Variants in KLHL5 observed in about 807,000 individuals in gnomAD.
The protein encoded by KLHL5 is kelch like family member 5, also known as kelch-like protein 5.
Under a neutral mutation model 77.7 loss-of-function variants are expected in KLHL5, and 48 were observed. The observed-to-expected ratio is 0.62, with a 90% CI of 0.49 to 0.79. KLHL5 has a LOEUF of 0.79. Ranked by LOEUF, KLHL5 falls within the 30% of genes least tolerant of loss-of-function variation. The probability of loss-of-function intolerance (pLI) is 0.00; values close to 1 mark genes in which losing one functional copy is unlikely to be tolerated. For synonymous variants in KLHL5, 260 were observed against 297.0 expected (o/e 0.88, Z 1.28); for missense variants, 723 against 859.7 (o/e 0.84, Z 1.99).
At chr4:39,127,174 TA>T (rs1488656626), downstream of KLHL5, among the ~76,000 whole-genome samples, 2 of 151,902 alleles carry the variant, frequency 1.3e-5, no homozygotes, top group African/African-American at 2.4e-5. Context: ...CTGTCTGTAC[TA>T]AAAATACTAA....
In KLHL5 at chr4:39,125,135, C is replaced by T. The variant is rs776203023; in HGVS notation, c.*4069C>T. Among the ~76,000 whole-genome samples, 5 of 149,972 alleles carry T rather than the reference C, an allele frequency of 3.3e-5. No individual in the cohort carries two copies. Among genetic ancestry groups the T allele is most frequent in the East Asian group, 2.0e-4 (1 of 5,124 alleles). Reference sequence around the variant, plus strand: ...TACCACTTCACACCTATTAGAATGACGAAATAGACCTAGGATCTAAACCTA... The same window carrying T: ...TACCACTTCACACCTATTAGAATGATGAAATAGACCTAGGATCTAAACCTA... On this transcript the variant is annotated 3_prime_UTR_variant, in exon 11 of 11. Coordinates refer to ENST00000504108, the MANE Select transcript of KLHL5 (RefSeq NM_015990.5).
chr4:39,101,859 A>AAAATATATAT (rs1553892985), intron 6 of KLHL5, among the ~76,000 whole-genome samples: 1 of 104,758 alleles, frequency 9.5e-6, no homozygotes, highest in African/African-American at 3.4e-5. Context: ...AAAAAAAAAA[A>AAAATATATAT]ATATATATAT....
At chr4:39,138,132 A>AAGG in the KLHL5 span, among the ~76,000 whole-genome samples, 82,108 of 151,612 alleles carry the variant, frequency 0.54, 22,513 homozygotes, top group Admixed American at 0.6. Flanking sequence ...ACAAGTGAAA[A>AAGG]AGCACTTATG....
chr4:39,111,104 G>A (rs1036036), intron 8 of KLHL5, among the ~76,000 whole-genome samples: 82,521 of 151,914 alleles, frequency 0.54, 22,713 homozygotes, highest in Admixed American at 0.6. Flanking sequence ...TTACCAATTG[G>A]TTTTAACCCT....
At chr4:39,092,161 T>C (rs533029155) in intron 5 of KLHL5, among the ~76,000 whole-genome samples, 1 of 152,292 alleles carries the variant, frequency 6.6e-6, no homozygotes, top group South Asian at 2.1e-4. Context: ...AATAATTTGC[T>C]CTTCTTTTGT....
the KLHL5 span, among the ~76,000 whole-genome samples, chr4:39,140,121 G>C: frequency 1.5e-4 from 22 of 149,382 alleles, no homozygotes; most frequent in Non-Finnish European, 2.4e-4. Context: ...CAGCTACTTG[G>C]GGGGGGCTGG....
chr4:39,050,735 T>C (rs1716575935), intron 1 of KLHL5, among the ~76,000 whole-genome samples: 1 of 152,196 alleles, frequency 6.6e-6, no homozygotes, highest in South Asian at 2.1e-4. Context: ...GCAGTTATAA[T>C]AGCTTTCAAT....
chr4:39,066,609 A>C (rs1717914136), intron 1 of KLHL5, among the ~76,000 whole-genome samples: 1 of 152,150 alleles, frequency 6.6e-6, no homozygotes, highest in Admixed American at 6.5e-5. Flanking sequence ...ATGTTGAAAA[A>C]ATATCCTAAG....
Position 39,048,523 on chromosome 4 carries a change from G to A in KLHL5, c.-95+3427G>A, listed in dbSNP as rs73238512. Among the ~76,000 whole-genome samples, 736 of 152,088 alleles carry A rather than the reference G, an allele frequency of 4.8e-3. 4 individuals are homozygous for A. Among genetic ancestry groups the A allele is most frequent in the Non-Finnish European group, 7.6e-3 (518 of 67,988 alleles). ...TCTGTTATACTACATGCTGAAGCAG[G>A]TCAGCAAGAGAACTCCATTACAAAT... is the stretch of plus-strand genomic sequence containing the variant. On this transcript the variant is annotated intron_variant, in intron 1 of 11. Transcript: ENST00000261425.
chr4:39,105,767 C>G (rs397833804), intron 7 of KLHL5, among the ~76,000 whole-genome samples: 1 of 133,638 alleles, frequency 7.5e-6, no homozygotes, highest in South Asian at 2.3e-4. Context: ...CACACACACA[C>G]ACACACATAA....
chr4:39,093,195 C>T (rs143718184), intron 5 of KLHL5: 21 of 452,384 alleles, frequency 4.6e-5, no homozygotes, highest in African/African-American at 2.4e-4. Flanking sequence ...AGCACTGATA[C>T]GAGGAGCTAC....
intron 10 of KLHL5, chr4:39,115,996 A>T: frequency 1.0e-6 from 1 of 985,638 alleles, no homozygotes; most frequent in Non-Finnish European, 1.2e-6. Context: ...CTGAGCCAAG[A>T]TTTTCTTGTA....
At chr4:39,134,643 G>A in the KLHL5 span, among the ~76,000 whole-genome samples, 1 of 152,160 alleles carries the variant, frequency 6.6e-6, no homozygotes, top group Non-Finnish European at 1.5e-5. Context: ...GTAGAAACAG[G>A]CTATATAATT....
the KLHL5 span, among the ~76,000 whole-genome samples, chr4:39,133,121 G>T: frequency 6.6e-6 from 1 of 151,348 alleles, no homozygotes; most frequent in African/African-American, 2.4e-5. Flanking sequence ...TCTCTTGTTA[G>T]TAATAAAAAT....
At chr4:39,142,377 A>G in the KLHL5 span, among the ~76,000 whole-genome samples, 88 of 151,834 alleles carry the variant, frequency 5.8e-4, no homozygotes, top group African/African-American at 1.7e-3. Context: ...CTGAGCGACA[A>G]GAGCAAAACT....
Position 39,067,267 on chromosome 4 carries a change from T to C in KLHL5, c.383+4232T>C, listed in dbSNP as rs1717969237. ...GTTTTGGGAGTACTAATCAGGTGTTTTGTAGAATGCCTTACTCAGTTGAGA... is the reference window on the plus strand; with the variant it reads ...GTTTTGGGAGTACTAATCAGGTGTTCTGTAGAATGCCTTACTCAGTTGAGA... On this transcript the variant is annotated intron_variant, in intron 1 of 10. Coordinates refer to ENST00000504108, the MANE Select transcript of KLHL5 (RefSeq NM_015990.5). Among the ~76,000 whole-genome samples, 4 of 152,194 alleles carry C rather than the reference T, an allele frequency of 2.6e-5. No homozygotes were observed. In the South Asian group the frequency reaches 8.3e-4, roughly 31 times the overall value.
chr4:39,058,249 A>T (rs184438797), upstream of KLHL5, among the ~76,000 whole-genome samples: 1 of 152,286 alleles, frequency 6.6e-6, no homozygotes, highest in Admixed American at 6.5e-5. Context: ...TTGGATTTCA[A>T]GTGATAGAAT....
the KLHL5 span, among the ~76,000 whole-genome samples, chr4:39,142,256 G>A: frequency 4.6e-5 from 7 of 152,100 alleles, no homozygotes; most frequent in Admixed American, 3.3e-4. Flanking sequence ...TTAGCTGGGC[G>A]TGGTGGCGGG....
At chr4:39,119,788 G>GT (rs1214796435) in intron 10 of KLHL5, among the ~76,000 whole-genome samples, 1 of 152,238 alleles carries the variant, frequency 6.6e-6, no homozygotes, top group Non-Finnish European at 1.5e-5. Flanking sequence ...TGTCATGACA[G>GT]TGTCAGCTAT....
Sources: allele counts gnomAD v4.1 joint callset (sites outside exome capture counted in the v4.1 genomes callset), GRCh38; gene constraint gnomAD v4.1.1; transcripts MANE v1.5; gene names NCBI Gene and HGNC (gene_info 2026-07-23, HGNC 2026-07-21).